The following PLCL1 variants were observed in gnomAD, a reference collection of about 807,000 sequenced individuals.
PLCL1 encodes inactive phospholipase C-like protein 1.
In PLCL1, 41 loss-of-function variants were observed where a neutral mutation model predicts 84.4. The ratio of observed to expected loss-of-function variants is 0.49; its 90% CI spans 0.38 to 0.63. The LOEUF (loss-of-function observed/expected upper bound fraction) is 0.63, where lower values mean the gene tolerates loss of function less well. Among genes scored for constraint, PLCL1 ranks in the 30% least tolerant of loss-of-function variants. The pLI, the probability that PLCL1 is intolerant of heterozygous loss-of-function variation, is 0.00. For missense variants in PLCL1, 1,206 were observed against 1,367.8 expected (o/e 0.88, Z 1.87); for synonymous variants, 490 against 488.3 (o/e 1.00, Z -0.05).
chr2:197,961,361 T>C (rs1689618750), intron 1 of PLCL1, among the ~76,000 whole-genome samples: 1 of 151,986 alleles, frequency 6.6e-6, no homozygotes, highest in African/African-American at 2.4e-5. Flanking sequence ...ACATTTTCTA[T>C]TACTTTTTAT....
chr2:198,108,447 GA>G (rs1293047660), intron 5 of PLCL1, among the ~76,000 whole-genome samples: 1 of 151,796 alleles, frequency 6.6e-6, no homozygotes, highest in Non-Finnish European at 1.5e-5. Flanking sequence ...GAAGGAGCTG[GA>G]AAAAAATGAG....
intron 1 of PLCL1, among the ~76,000 whole-genome samples, chr2:197,861,967 C>T (rs1045483664): frequency 1.8e-4 from 27 of 152,122 alleles, no homozygotes; most frequent in African/African-American, 6.5e-4. Flanking sequence ...GACAAAGGCT[C>T]ACGGCACTCT....
At chr2:198,087,315 C>G (rs1692910251) in intron 2 of PLCL1, among the ~76,000 whole-genome samples, 2 of 151,862 alleles carry the variant, frequency 1.3e-5, no homozygotes, top group Non-Finnish European at 2.9e-5. Flanking sequence ...ATTAAGTTTT[C>G]TTTCCTTCAT....
intron 3 of PLCL1, among the ~76,000 whole-genome samples, chr2:198,096,512 G>T (rs1430802667): frequency 6.6e-6 from 1 of 151,802 alleles, no homozygotes. Context: ...AAAAATATTT[G>T]GGTAATATCT....
chr2:197,807,189 T>C (rs1690503321), intron 1 of PLCL1, among the ~76,000 whole-genome samples: 1 of 152,214 alleles, frequency 6.6e-6, no homozygotes, highest in Non-Finnish European at 1.5e-5. Context: ...CAAAGGAGTG[T>C]GAAGGAAAGA....
At chr2:197,827,170 C>T (rs1443290237) in intron 1 of PLCL1, among the ~76,000 whole-genome samples, 1 of 152,080 alleles carries the variant, frequency 6.6e-6, no homozygotes, top group Admixed American at 6.6e-5. Context: ...ATGGCAAATC[C>T]AACTGCATCA....
At chr2:197,844,046 A>G (rs1240472680) in intron 1 of PLCL1, among the ~76,000 whole-genome samples, 1 of 152,172 alleles carries the variant, frequency 6.6e-6, no homozygotes, top group Non-Finnish European at 1.5e-5. Flanking sequence ...TTGAAGAAGT[A>G]CACATTTTCT....
intron 1 of PLCL1, among the ~76,000 whole-genome samples, chr2:197,806,670 G>T (rs1690492417): frequency 6.6e-6 from 1 of 152,112 alleles, no homozygotes; most frequent in Non-Finnish European, 1.5e-5. Context: ...TTACTATTTT[G>T]TTTTTAACCC....
intron 1 of PLCL1, among the ~76,000 whole-genome samples, chr2:197,817,290 CA>C (rs1690709719): frequency 6.6e-6 from 1 of 151,924 alleles, no homozygotes; most frequent in Admixed American, 6.6e-5. Context: ...TTTTTTTCCT[CA>C]TACTTTCTCA....
rs1045863693 is a variant in PLCL1 at position 197,947,274 on chromosome 2, T to C, written c.241-136484T>C. Among the ~76,000 whole-genome samples, 9 of 143,370 alleles carry C rather than the reference T, an allele frequency of 6.3e-5. No homozygotes were observed. The East Asian group carries it at 1.4e-3, about 22-fold the overall frequency. The allele number at this position is 143,370 out of a possible 152,430, so 94.1% of individuals were successfully genotyped here. A position where few individuals can be genotyped will look rare whatever the true frequency, so the allele number is the denominator to read the frequency against. Reference sequence around the variant, plus strand: ...TATATATATATGTATATACACATTATGTATGAGCAAAATAGTGCTTCTCAA... The same window carrying C: ...TATATATATATGTATATACACATTACGTATGAGCAAAATAGTGCTTCTCAA... On this transcript the variant is annotated intron_variant, in intron 1 of 5. Coordinates refer to ENST00000428675, the MANE Select transcript of PLCL1 (RefSeq NM_006226.4).
At chr2:198,053,411 T>C (rs191668730) in intron 1 of PLCL1, among the ~76,000 whole-genome samples, 1 of 152,300 alleles carries the variant, frequency 6.6e-6, no homozygotes, top group Non-Finnish European at 1.5e-5. Flanking sequence ...ACAGGCCCAC[T>C]GTGGTTCCAG....
chr2:198,026,041 ATTAT>A (rs1360981235), intron 1 of PLCL1, among the ~76,000 whole-genome samples: 3 of 152,046 alleles, frequency 2.0e-5, no homozygotes, highest in Non-Finnish European at 4.4e-5. Context: ...GTTTTGCAAA[ATTAT>A]TTATTTATTT....
chr2:198,069,709 G>T (rs1559092667), intron 1 of PLCL1, among the ~76,000 whole-genome samples: 1 of 152,154 alleles, frequency 6.6e-6, no homozygotes, highest in Non-Finnish European at 1.5e-5. Context: ...TTTCCTGAGA[G>T]TGTAAAAATG....
intron 1 of PLCL1, among the ~76,000 whole-genome samples, chr2:197,823,175 C>G (rs696814): frequency 0.52 from 78,421 of 151,968 alleles, 21,158 homozygotes; most frequent in African/African-American, 0.66. Context: ...CAGGCATGTA[C>G]CACTGCCCCC....
At chr2:197,824,815 G>T (rs1354947881) in intron 1 of PLCL1, among the ~76,000 whole-genome samples, 1 of 151,370 alleles carries the variant, frequency 6.6e-6, no homozygotes, top group Non-Finnish European at 1.5e-5. Context: ...TTCCTTAAAA[G>T]CCAGAACTCT....
chr2:197,851,981 A>C (rs547208249), intron 1 of PLCL1, among the ~76,000 whole-genome samples: 7 of 152,342 alleles, frequency 4.6e-5, no homozygotes, highest in African/African-American at 1.2e-4. Context: ...AATGTAGAAC[A>C]ATTTCCAAAT....
At chr2:197,842,810 C>T (rs1453503318) in intron 1 of PLCL1, among the ~76,000 whole-genome samples, 1 of 152,144 alleles carries the variant, frequency 6.6e-6, no homozygotes, top group African/African-American at 2.4e-5. Context: ...TATACTGTCT[C>T]AACTGTATTT....
At chr2:197,916,348 GA>G (rs1229590686) in intron 1 of PLCL1, among the ~76,000 whole-genome samples, 1 of 152,100 alleles carries the variant, frequency 6.6e-6, no homozygotes, top group Non-Finnish European at 1.5e-5. Context: ...ATAGGCTCTG[GA>G]CTTAAACTCT....
At chr2:197,810,863 C>G (rs975169055) in intron 1 of PLCL1, among the ~76,000 whole-genome samples, 1 of 82,830 alleles carries the variant, frequency 1.2e-5, no homozygotes, top group East Asian at 2.4e-4. Flanking sequence ...GTGCTTAACA[C>G]TGTATATTTT....
Sources: gnomAD v4.1 joint callset for allele counts (sites outside exome capture counted in the v4.1 genomes callset) on GRCh38, gnomAD v4.1.1 for gene constraint, MANE v1.5 for transcripts, NCBI Gene and HGNC (gene_info 2026-07-23, HGNC 2026-07-21) for gene names.